ZNF469: variants seen among roughly 807,000 people sequenced by gnomAD.
ZNF469 encodes zinc finger protein 469.
ZNF469 carries 1 observed loss-of-function variant against 1.0 expected under a neutral mutation model. The ratio of observed to expected loss-of-function variants is 1.00; its 90% CI spans 0.35 to 4.73. ZNF469 has a LOEUF of 4.73. Among genes scored for constraint, ZNF469 ranks in the 30% most tolerant of loss-of-function variants. ZNF469 has a pLI of 0.16. For synonymous variants in ZNF469, 2,703 were observed against 2,363.4 expected (o/e 1.14, Z -4.17); for missense variants, 6,100 against 5,356.3 (o/e 1.14, Z -4.33).
the ZNF469 span, among the ~76,000 whole-genome samples, chr16:88,112,961 G>A: frequency 2.0e-5 from 3 of 151,846 alleles, no homozygotes; most frequent in Non-Finnish European, 4.4e-5. Flanking sequence ...TGCATTTTTA[G>A]TAGAGACGGG....
chr16:88,359,227 A>G, the ZNF469 span, among the ~76,000 whole-genome samples: 1 of 151,466 alleles, frequency 6.6e-6, no homozygotes, highest in Non-Finnish European at 1.5e-5. Context: ...TGCATTTGCT[A>G]TGGTCTGCTT....
chr16:88,406,494 G>A (rs772251753), intron 1 of ZNF469, among the ~76,000 whole-genome samples: 4 of 152,236 alleles, frequency 2.6e-5, no homozygotes, highest in Non-Finnish European at 5.9e-5. Flanking sequence ...TGCGCCTGCC[G>A]CCTGCAGCTC....
In ZNF469 at chr16:88,439,687, G is replaced by A; in HGVS notation, c.*355G>A. ...CACAGAAGCCAATGTTTGGAGATTT[G>A]CACAACCTCCCGTTCCCCCACATGG... On this transcript the variant is annotated 3_prime_UTR_variant, in exon 3 of 3. Coordinates refer to ENST00000565624, the MANE Select transcript of ZNF469 (RefSeq NM_001367624.2). The A allele has an allele frequency of 3.2e-6, 1 of 313,380 alleles. No individual in the cohort carries two copies. The highest frequency in any genetic ancestry group is 6.0e-6 in the Non-Finnish European group (1 of 166,294). 19.4% of individuals were successfully genotyped at this position (313,380 alleles called of 1,614,324 possible). A position where few individuals can be genotyped will look rare whatever the true frequency, so the allele number is the denominator to read the frequency against.
At chr16:88,335,050 G>A in the ZNF469 span, among the ~76,000 whole-genome samples, 1 of 152,242 alleles carries the variant, frequency 6.6e-6, no homozygotes, top group African/African-American at 2.4e-5. Flanking sequence ...GCAGCCACTG[G>A]GCACAGGAAG....
the ZNF469 span, among the ~76,000 whole-genome samples, chr16:88,305,598 T>G: frequency 8.3e-6 from 1 of 120,164 alleles, no homozygotes; most frequent in South Asian, 2.8e-4. Context: ...ACGCACACCC[T>G]CACACATGCA....
chr16:88,247,793 A>ATGAGTGAATGAGTGAGTGAG, the ZNF469 span, among the ~76,000 whole-genome samples: 5 of 149,356 alleles, frequency 3.3e-5, no homozygotes, highest in Admixed American at 1.3e-4. Flanking sequence ...GAGTGAGTAA[A>ATGAGTGAATGAGTGAGTGAG]TGAGTGAATG....
chr16:88,239,487 C>T, the ZNF469 span, among the ~76,000 whole-genome samples: 63 of 147,270 alleles, frequency 4.3e-4, no homozygotes, highest in African/African-American at 1.5e-3. Context: ...TCATGATGGT[C>T]TCTCTTTTTT....
chr16:88,135,752 T>TATTC, the ZNF469 span, among the ~76,000 whole-genome samples: 1,403 of 36,556 alleles, frequency 0.038, 516 homozygotes, highest in South Asian at 0.058. Context: ...GGCCATGTTT[T>TATTC]TTTTTTTTTT....
At chr16:88,227,086 G>A in the ZNF469 span, among the ~76,000 whole-genome samples, 1 of 102,736 alleles carries the variant, frequency 9.7e-6, no homozygotes, top group Non-Finnish European at 2.0e-5. Flanking sequence ...TGCCTCCTCC[G>A]CGCCGGGGCC....
upstream of ZNF469, among the ~76,000 whole-genome samples, chr16:88,380,663 G>A (rs1172497624): frequency 6.7e-5 from 7 of 104,394 alleles, no homozygotes; most frequent in South Asian, 3.4e-4. Context: ...ACACAGACAC[G>A]CCCTCACACA....
At chr16:88,230,580 G>C in the ZNF469 span, among the ~76,000 whole-genome samples, 1 of 125,736 alleles carries the variant, frequency 8.0e-6, no homozygotes, top group African/African-American at 2.7e-5. Flanking sequence ...TGTCGCTGTG[G>C]GTAACTGGGC....
chr16:88,347,508 C>T, the ZNF469 span, among the ~76,000 whole-genome samples: 4 of 152,190 alleles, frequency 2.6e-5, no homozygotes, highest in Non-Finnish European at 5.9e-5. Flanking sequence ...TCCTGACATC[C>T]GCAGGAACCA....
At chr16:88,281,351 C>T in the ZNF469 span, among the ~76,000 whole-genome samples, 2 of 150,508 alleles carry the variant, frequency 1.3e-5, no homozygotes, top group African/African-American at 4.9e-5. Context: ...TAGTGCTGTG[C>T]CACACCAATG....
chr16:88,217,667 C>A, the ZNF469 span, among the ~76,000 whole-genome samples: 5 of 115,414 alleles, frequency 4.3e-5, no homozygotes, highest in African/African-American at 1.6e-4. Context: ...GTTCAATTCC[C>A]ACCTATGAGT....
At chr16:88,380,634 C>A (rs2092519894), upstream of ZNF469, among the ~76,000 whole-genome samples, 1 of 147,618 alleles carries the variant, frequency 6.8e-6, no homozygotes, top group Admixed American at 6.8e-5. Flanking sequence ...CATGCGCTCA[C>A]ACACATGCAC....
At chr16:88,142,435 T>C in the ZNF469 span, among the ~76,000 whole-genome samples, 1 of 152,102 alleles carries the variant, frequency 6.6e-6, no homozygotes, top group Non-Finnish European at 1.5e-5. Flanking sequence ...TGGAAATAGA[T>C]GGGAGGGACC....
the ZNF469 span, among the ~76,000 whole-genome samples, chr16:88,171,431 A>C: frequency 6.6e-6 from 1 of 152,240 alleles, no homozygotes; most frequent in Non-Finnish European, 1.5e-5. Flanking sequence ...GTGCCAGCCC[A>C]GGCCCAGCCT....
chr16:88,334,010 T>C, the ZNF469 span, among the ~76,000 whole-genome samples: 6 of 148,428 alleles, frequency 4.0e-5, no homozygotes, highest in African/African-American at 1.5e-4. Flanking sequence ...GTCTATGTGT[T>C]TGTGTGTGTG....
At chr16:88,383,380 G>A (rs1322115369) in intron 1 of ZNF469, among the ~76,000 whole-genome samples, 126 bp downstream of exon 1, 1 of 147,786 alleles carries the variant, frequency 6.8e-6, no homozygotes, top group African/African-American at 2.4e-5. Flanking sequence ...GCCCTCGGGG[G>A]CCGCTCCCCG....
Sources: gnomAD v4.1 joint callset for allele counts (sites outside exome capture counted in the v4.1 genomes callset) on GRCh38, gnomAD v4.1.1 for gene constraint, MANE v1.5 for transcripts, NCBI Gene and HGNC (gene_info 2026-07-23, HGNC 2026-07-21) for gene names.